Variants in APOO observed in about 807,000 individuals in gnomAD.
The protein encoded by APOO is MICOS complex subunit MIC26.
APOO carries 11 observed loss-of-function variants against 23.1 expected under a neutral mutation model. That is an observed-to-expected ratio of 0.48 (90% CI 0.30 to 0.79). The LOEUF (loss-of-function observed/expected upper bound fraction) is 0.79, where lower values mean the gene tolerates loss of function less well. Ranked by LOEUF, APOO falls within the 30% of genes least tolerant of loss-of-function variation. APOO has a pLI of 0.07. For missense variants in APOO, 160 were observed against 142.7 expected (o/e 1.12, Z -0.62); for synonymous variants, 59 against 54.8 (o/e 1.08, Z -0.34).
chrX:23,853,041 T>C (rs747497752), intron 7 of APOO, among the ~76,000 whole-genome samples: 1 of 110,111 alleles, frequency 9.1e-6, no homozygotes, highest in African/African-American at 3.3e-5. Context: ...GTGGAGCACC[T>C]GAGTTCAGGA....
At chrX:23,879,341 C>T (rs983606692) in intron 2 of APOO, among the ~76,000 whole-genome samples, 2 of 111,610 alleles carry the variant, frequency 1.8e-5, no homozygotes, top group South Asian at 7.6e-4. Context: ...GAGGCTGAGG[C>T]GGGAGAATCT....
intron 5 of APOO, among the ~76,000 whole-genome samples, chrX:23,868,068 C>T (rs2147000875): frequency 8.9e-6 from 1 of 112,261 alleles, no homozygotes; most frequent in African/African-American, 3.2e-5. Context: ...TTCATCTCAT[C>T]ATAGCAAAGT....
At chrX:23,837,676 T>C in intron 8 of APOO, among the ~76,000 whole-genome samples, 1 of 109,135 alleles carries the variant, frequency 9.2e-6, no homozygotes, top group South Asian at 3.9e-4. Context: ...ATATTTGTTT[T>C]TGAGACAGGG....
intron 8 of APOO, 161 bp downstream of exon 8, chrX:23,840,152 G>T (rs1923898880): frequency 3.0e-6 from 1 of 331,489 alleles, no homozygotes; most frequent in Non-Finnish European, 5.1e-6. Flanking sequence ...ACACAAATAA[G>T]TAAGTCACAG....
chrX:23,901,587 C>T (rs1307667881), intron 1 of APOO, among the ~76,000 whole-genome samples: 1 of 112,072 alleles, frequency 8.9e-6, no homozygotes, highest in Non-Finnish European at 1.9e-5. Context: ...TCATCTACCA[C>T]ATCCAACTGA....
Position 23,905,091 on chromosome X carries a change from G to A in APOO, c.9+2603C>T, listed in dbSNP as rs781426101. On this transcript the variant is annotated intron_variant, in intron 1 of 8. Coordinates refer to ENST00000379226, the MANE Select transcript of APOO (RefSeq NM_024122.5). ...TTCTACCCAAAGTACATGTTCACCT[G>A]AAATAATCTCAGTTCAGTCGGGCGC... Among the ~76,000 whole-genome samples, 5 of 110,204 alleles carry A rather than the reference G, an allele frequency of 4.5e-5. No homozygotes were observed. In the East Asian group the frequency reaches 1.4e-3, roughly 32 times the overall value.
intron 7 of APOO, among the ~76,000 whole-genome samples, chrX:23,841,109 C>T (rs749783596): frequency 1.8e-5 from 2 of 111,844 alleles, no homozygotes; most frequent in East Asian, 2.8e-4. Flanking sequence ...TGCAGCTGGG[C>T]GGGCCATGGG....
intron 8 of APOO, chrX:23,836,592 C>T (rs778124074): frequency 3.3e-6 from 2 of 602,471 alleles, no homozygotes; most frequent in Admixed American, 4.1e-5. Context: ...GGACCACAGG[C>T]GTGAGCCACC....
At chrX:23,896,624 G>A (rs1293352337) in intron 1 of APOO, among the ~76,000 whole-genome samples, 2 of 110,964 alleles carry the variant, frequency 1.8e-5, no homozygotes, top group African/African-American at 3.3e-5. Context: ...CAATCATTTC[G>A]ATCTGTTTCA....
intron 7 of APOO, among the ~76,000 whole-genome samples, chrX:23,849,356 C>T (rs1359865719): frequency 9.2e-6 from 1 of 108,522 alleles, no homozygotes; most frequent in African/African-American, 3.4e-5. Flanking sequence ...GGATCTAGAG[C>T]ATTGCCAAAA....
chrX:23,863,240 G>T (rs930209226), intron 5 of APOO, among the ~76,000 whole-genome samples: 2 of 111,985 alleles, frequency 1.8e-5, no homozygotes, highest in Non-Finnish European at 3.8e-5. Flanking sequence ...AGGTTGAGGC[G>T]TGAGAATCAC....
At chrX:23,895,719 C>T (rs1207943577) in intron 1 of APOO, among the ~76,000 whole-genome samples, 2 of 110,459 alleles carry the variant, frequency 1.8e-5, no homozygotes, top group East Asian at 2.8e-4. Flanking sequence ...TTTTCTACAT[C>T]TCCTAATTAA....
chrX:23,880,959 T>C lies in APOO; in HGVS notation c.10-7A>G. The C allele has an allele frequency of 8.7e-7, 1 of 1,155,419 alleles. No individual in the cohort carries two copies. Among genetic ancestry groups the C allele is most frequent in the Non-Finnish European group, 1.2e-6 (1 of 862,590 alleles). On this transcript the variant is annotated splice_polypyrimidine_tract_variant and splice_region_variant and intron_variant, in intron 1 of 8. Transcript: ENST00000379226. ...CCACGGACCTCTGAATTACCTGAAATGCAGAAGCAATCTTAAACCTCTCTA... is the reference window on the plus strand; with the variant it reads ...CCACGGACCTCTGAATTACCTGAAACGCAGAAGCAATCTTAAACCTCTCTA...
chrX:23,894,421 C>T (rs896138444), intron 1 of APOO, among the ~76,000 whole-genome samples: 1 of 111,638 alleles, frequency 9.0e-6, no homozygotes, highest in African/African-American at 3.3e-5. Context: ...AGCCACCACA[C>T]CCAACCAAAA....
intron 7 of APOO, among the ~76,000 whole-genome samples, chrX:23,845,112 C>T (rs764950775): frequency 5.2e-4 from 58 of 112,030 alleles, no homozygotes; most frequent in African/African-American, 1.8e-3. Flanking sequence ...CACTGGACAA[C>T]GCTGTATCCT....
chrX:23,846,821 C>T (rs1003780886), intron 7 of APOO, among the ~76,000 whole-genome samples: 8 of 110,038 alleles, frequency 7.3e-5, no homozygotes, highest in Non-Finnish European at 1.5e-4. Flanking sequence ...TTATTAAGCT[C>T]CTAGAGTCAA....
rs193057623 is a variant in APOO, at chrX:23,896,178, G to C, written c.9+11516C>G. 7.1e-3 allele frequency among the ~76,000 whole-genome samples: 779 copies of C among 110,175 alleles called. 5 individuals are homozygous for C. The highest frequency in any genetic ancestry group is 0.011 in the Non-Finnish European group (584 of 52,830). The stretch of plus-strand genomic sequence containing the variant: ...AGCTACTCAGGAGGCTGAGGCAGGA[G>C]AATTGCTTGAACCCGGGAGATGGAG... On this transcript the variant is annotated intron_variant, in intron 1 of 8. Coordinates refer to ENST00000379226, the MANE Select transcript of APOO (RefSeq NM_024122.5).
At chrX:23,847,860 T>C (rs1017867178) in intron 7 of APOO, among the ~76,000 whole-genome samples, 1 of 105,112 alleles carries the variant, frequency 9.5e-6, no homozygotes. Context: ...TATATAAATA[T>C]ATATATATAT....
chrX:23,885,908 G>GGGAGACCTA (rs1331627727), intron 1 of APOO, among the ~76,000 whole-genome samples: 1 of 111,235 alleles, frequency 9.0e-6, no homozygotes, highest in African/African-American at 3.3e-5. Flanking sequence ...CAGGAGACCT[G>GGGAGACCTA]GGAGACCTAC....
Sources: gnomAD v4.1 joint callset for allele counts (sites outside exome capture counted in the v4.1 genomes callset) on GRCh38, gnomAD v4.1.1 for gene constraint, MANE v1.5 for transcripts, NCBI Gene and HGNC (gene_info 2026-07-23, HGNC 2026-07-21) for gene names.